SLCO1B1: variants seen among roughly 807,000 people sequenced by gnomAD.
SLCO1B1 encodes solute carrier organic anion transporter family member 1B1, also known as OATP-2.
A neutral mutation model predicts 70.1 loss-of-function variants in SLCO1B1; 81 were observed. The observed-to-expected ratio is 1.16, with a 90% CI of 0.97 to 1.39. The LOEUF (loss-of-function observed/expected upper bound fraction) is 1.39, where lower values mean the gene tolerates loss of function less well. Ranked by LOEUF, SLCO1B1 falls within the 40% of genes most tolerant of loss-of-function variation. The pLI, the probability that SLCO1B1 is intolerant of heterozygous loss-of-function variation, is 0.00. For missense variants in SLCO1B1, 895 were observed against 799.6 expected (o/e 1.12, Z -1.44); for synonymous variants, 283 against 271.5 (o/e 1.04, Z -0.42).
intron 14 of SLCO1B1, among the ~76,000 whole-genome samples, chr12:21,238,648 A>G (rs1941617850): frequency 6.6e-6 from 1 of 151,878 alleles, no homozygotes; most frequent in Non-Finnish European, 1.5e-5. Flanking sequence ...TAATCCAGTA[A>G]CCTCTGGATT....
Position 21,133,738 on chromosome 12 carries a change from A to C in SLCO1B1, c.-62+2502A>C, listed in dbSNP as rs112188681. Among the ~76,000 whole-genome samples the C allele has an allele frequency of 1.3e-4, 20 of 152,288 alleles. 1 individual carries two copies. Among genetic ancestry groups the C allele is most frequent in the Admixed American group, 3.3e-4 (5 of 15,288 alleles). On this transcript the variant is annotated intron_variant, in intron 1 of 14. Transcript: ENST00000256958. ...CAACTTGAGGAAATTTTGGGCTGAG[A>C]TGATGGGGTTTTCTAGATATACAAT... is the stretch of plus-strand genomic sequence containing the variant.
intron 11 of SLCO1B1, among the ~76,000 whole-genome samples, chr12:21,215,490 T>C (rs944617004): frequency 1.3e-5 from 2 of 152,204 alleles, no homozygotes; most frequent in Non-Finnish European, 2.9e-5. Context: ...TTATTGATTG[T>C]GTATACTGGA....
intron 4 of SLCO1B1, among the ~76,000 whole-genome samples, 173 bp downstream of exon 4, chr12:21,174,882 G>A (rs912271415): frequency 1.2e-4 from 18 of 152,098 alleles, no homozygotes; most frequent in African/African-American, 3.6e-4. Flanking sequence ...TTTATTTATC[G>A]TAGCTTTCAT....
chr12:21,233,789 G>A (rs1204554782), intron 14 of SLCO1B1, among the ~76,000 whole-genome samples: 1 of 152,184 alleles, frequency 6.6e-6, no homozygotes. Context: ...CACCCTGCCA[G>A]TAGAGACAGT....
intron 11 of SLCO1B1, among the ~76,000 whole-genome samples, chr12:21,208,718 T>C (rs949528374): frequency 2.6e-5 from 4 of 152,128 alleles, no homozygotes; most frequent in Admixed American, 2.0e-4. Flanking sequence ...CTTTGGGCAG[T>C]ATAGACAGTT....
intron 1 of SLCO1B1, among the ~76,000 whole-genome samples, chr12:21,131,803 C>G (rs189430157): frequency 6.6e-6 from 1 of 151,880 alleles, no homozygotes; most frequent in Non-Finnish European, 1.5e-5. Context: ...ATTAAATAAG[C>G]AAAAAGTCTT....
chr12:21,237,372 T>C lies in SLCO1B1; in HGVS notation c.1866-1607T>C, dbSNP rs189180825. Among the ~76,000 whole-genome samples the C allele has an allele frequency of 9.3e-4, 142 of 152,282 alleles. 1 individual carries two copies. Among genetic ancestry groups the C allele is most frequent in the Admixed American group, 4.6e-3 (71 of 15,288 alleles). On this transcript the variant is annotated intron_variant, in intron 14 of 14. Transcript: ENST00000256958. ...AAGAATTTCACAGAGTACAGAATTT[T>C]AAGTTGGTGATTTTTTTCTCTTAAG...
chr12:21,197,248 G>C, intron 8 of SLCO1B1, 60 bp downstream of exon 8: 1 of 1,584,540 alleles, frequency 6.3e-7, no homozygotes, highest in Non-Finnish European at 8.6e-7. Flanking sequence ...AAGGAAGAAT[G>C]AGTATTCCAA....
At chr12:21,172,498 A>G (rs1012012856) in intron 2 of SLCO1B1, 152 bp from the exon 3 acceptor site, 23 of 782,962 alleles carry the variant, frequency 2.9e-5, no homozygotes, top group Non-Finnish European at 4.7e-5. Flanking sequence ...GCTGAGTAGT[A>G]GTACCTGGTA....
rs542648769 is a variant in SLCO1B1 at position 21,176,141 on chromosome 12, C to A, written c.360-635C>A. On this transcript the variant is annotated intron_variant, in intron 4 of 14. Coordinates refer to ENST00000256958, the MANE Select transcript of SLCO1B1 (RefSeq NM_006446.5). ...ATATTAAACTTATAACTTTTATCAT[C>A]TATGTTTATACTAGTGTGAAATTCC... Among the ~76,000 whole-genome samples, 4 of 152,172 alleles carry A rather than the reference C, an allele frequency of 2.6e-5. 1 individual carries two copies. The South Asian group carries it at 8.3e-4, about 32-fold the overall frequency.
chr12:21,222,395 A>AAAC (rs1941435503), intron 13 of SLCO1B1, 31 bp downstream of exon 13: 1 of 191,714 alleles, frequency 5.2e-6, no homozygotes, highest in African/African-American at 4.8e-5. Context: ...AAAAAAAAAA[A>AAAC]AAATATATAT....
At chr12:21,135,893 A>G (rs1323634095) in intron 1 of SLCO1B1, among the ~76,000 whole-genome samples, 1 of 152,098 alleles carries the variant, frequency 6.6e-6, no homozygotes, top group Non-Finnish European at 1.5e-5. Context: ...TTAGCTGGTT[A>G]TTTTGCTCAT....
intron 2 of SLCO1B1, among the ~76,000 whole-genome samples, chr12:21,157,424 TAA>T (rs748357146): frequency 1.6e-4 from 25 of 152,154 alleles, no homozygotes; most frequent in Non-Finnish European, 3.1e-4. Context: ...TCTTGTGTAT[TAA>T]GTTTATAATC....
chr12:21,135,781 T>C (rs1207734672), intron 1 of SLCO1B1, among the ~76,000 whole-genome samples: 1 of 152,218 alleles, frequency 6.6e-6, no homozygotes, highest in Non-Finnish European at 1.5e-5. Flanking sequence ...GTCTTGACTC[T>C]TTATCCAATT....
At chr12:21,206,212 CTTAGGGCACAATCAGGTTTTT>C (rs1941213244) in intron 11 of SLCO1B1, among the ~76,000 whole-genome samples, 179 bp downstream of exon 11, 1 of 151,814 alleles carries the variant, frequency 6.6e-6, no homozygotes, top group Admixed American at 6.6e-5. Flanking sequence ...TAAAAGTCTG[CTTAGGGCACAATCAGGTTTTT>C]CTGTTACTTG....
chr12:21,225,897 G>GTATT (rs1250720670), intron 14 of SLCO1B1, among the ~76,000 whole-genome samples: 1 of 152,126 alleles, frequency 6.6e-6, no homozygotes, highest in African/African-American at 2.4e-5. Context: ...ATGCACCTAG[G>GTATT]TATTTACCTA....
chr12:21,173,231 A>G (rs933301038), intron 3 of SLCO1B1, among the ~76,000 whole-genome samples: 8 of 152,268 alleles, frequency 5.3e-5, no homozygotes, highest in Non-Finnish European at 1.0e-4. Flanking sequence ...GCACACAAAA[A>G]TCTTTCCTTT....
In SLCO1B1 at chr12:21,174,631, CA is replaced by C; in HGVS notation, c.284del (p.Lys95SerfsTer2). ...VSYFGSKLHR[P>X]KLIGIGCFIM... ...TACTTTGGATCCAAACTACATAGAC[CA>C]AAGTTAATTGGAATCGGTTGTTTCA... On this transcript the variant is annotated frameshift_variant, in exon 4 of 15. Coordinates refer to ENST00000256958, the MANE Select transcript of SLCO1B1 (RefSeq NM_006446.5). LOFTEE classifies it high-confidence loss of function. 1 of 1,611,868 alleles carries C rather than the reference CA, an allele frequency of 6.2e-7. No homozygotes were observed. Among genetic ancestry groups the C allele is most frequent in the South Asian group, 1.1e-5 (1 of 90,936 alleles).
At position 21,220,679 on chromosome 12, in the gene SLCO1B1, A is replaced by G. The variant is rs144475579; in HGVS notation, c.1683-1621A>G. ...AGCGTTGTCCTCAAACTAATAAAGC[A>G]TATGTCAAAAAGAGCATAAGTAACT... On this transcript the variant is annotated intron_variant, in intron 12 of 14. Coordinates refer to ENST00000256958, the MANE Select transcript of SLCO1B1 (RefSeq NM_006446.5). 7.2e-5 allele frequency among the ~76,000 whole-genome samples: 11 copies of G among 152,188 alleles called. No homozygotes were observed. The East Asian group carries it at 2.1e-3, about 29-fold the overall frequency.
Sources: gnomAD v4.1 joint callset for allele counts (sites outside exome capture counted in the v4.1 genomes callset) on GRCh38, gnomAD v4.1.1 for gene constraint, MANE v1.5 for transcripts, NCBI Gene and HGNC (gene_info 2026-07-23, HGNC 2026-07-21) for gene names.